ZBTB20: variants seen among roughly 807,000 people sequenced by gnomAD.
The protein encoded by ZBTB20 is zinc finger and BTB domain-containing protein 20.
In ZBTB20, 9 loss-of-function variants were observed where a neutral mutation model predicts 56.9. That is an observed-to-expected ratio of 0.16 (90% CI 0.10 to 0.28). ZBTB20 has a LOEUF of 0.28. Among genes scored for constraint, ZBTB20 ranks in the 10% least tolerant of loss-of-function variants. The pLI is 1.00. For synonymous variants in ZBTB20, 417 were observed against 420.7 expected, an observed-to-expected ratio of 0.99 and a Z score of 0.11; for missense variants, 655 against 1,003.0, an observed-to-expected ratio of 0.65 and a Z score of 4.69.
chr3:114,432,744 C>A (rs2090211872), intron 7 of ZBTB20, among the ~76,000 whole-genome samples: 1 of 152,192 alleles, frequency 6.6e-6, no homozygotes, highest in Admixed American at 6.5e-5. Flanking sequence ...TTTGGTATCA[C>A]TTCCTGTGAC....
At chr3:114,892,586 A>C (rs947186709) in intron 4 of ZBTB20, among the ~76,000 whole-genome samples, 1 of 152,168 alleles carries the variant, frequency 6.6e-6, no homozygotes, top group African/African-American at 2.4e-5. Context: ...ATGGGATATA[A>C]GATCTGGAGT....
chr3:114,970,843 G>A (rs144063090), intron 3 of ZBTB20, among the ~76,000 whole-genome samples: 4,960 of 152,080 alleles, frequency 0.033, 182 homozygotes, highest in Admixed American at 0.12. Flanking sequence ...GTGAAACCTC[G>A]TGTCTACTAA....
At chr3:115,069,838 T>G (rs1357482368) in intron 2 of ZBTB20, among the ~76,000 whole-genome samples, 1 of 151,930 alleles carries the variant, frequency 6.6e-6, no homozygotes, top group Non-Finnish European at 1.5e-5. Context: ...TACATCTCAT[T>G]TAATCCTCAT....
chr3:114,547,827 G>T (rs988100263), intron 6 of ZBTB20, among the ~76,000 whole-genome samples: 1 of 152,156 alleles, frequency 6.6e-6, no homozygotes, highest in Non-Finnish European at 1.5e-5. Flanking sequence ...TTACTGAACA[G>T]AAACTAGTTT....
chr3:115,065,262 G>A (rs1339552053), intron 2 of ZBTB20, among the ~76,000 whole-genome samples: 1 of 151,998 alleles, frequency 6.6e-6, no homozygotes, highest in Non-Finnish European at 1.5e-5. Context: ...TTTCATAGTA[G>A]CAGTATCTTC....
intron 1 of ZBTB20, among the ~76,000 whole-genome samples, chr3:115,107,166 C>G (rs2083746614): frequency 6.6e-6 from 1 of 152,122 alleles, no homozygotes; most frequent in Non-Finnish European, 1.5e-5. Flanking sequence ...GTGGCTCATG[C>G]CTGTAATCTC....
rs535419072 is a variant in ZBTB20, at chr3:114,787,407, A to C, written c.-343+13694T>G. ...CACACACACACATATATATACATAT[A>C]TATACGTGTGTACACATATATACAC... is the stretch of plus-strand genomic sequence containing the variant. On this transcript the variant is annotated intron_variant, in intron 5 of 11. Coordinates refer to ENST00000675478, the MANE Select transcript of ZBTB20 (RefSeq NM_001348800.3). Among the ~76,000 whole-genome samples the C allele has an allele frequency of 2.1e-5, 3 of 145,992 alleles. No homozygotes were observed. The South Asian group carries it at 6.5e-4, about 32-fold the overall frequency.
intron 6 of ZBTB20, among the ~76,000 whole-genome samples, chr3:114,598,384 C>T (rs949034041): frequency 3.0e-5 from 4 of 133,350 alleles, no homozygotes; most frequent in African/African-American, 5.7e-5. Context: ...ATACACCCTA[C>T]AGAAAATACT....
At chr3:115,010,024 A>G (rs2079632833) in intron 2 of ZBTB20, among the ~76,000 whole-genome samples, 1 of 151,970 alleles carries the variant, frequency 6.6e-6, no homozygotes, top group Non-Finnish European at 1.5e-5. Flanking sequence ...GCTTTGGTTA[A>G]TTATCAAAGT....
Position 114,338,781 on chromosome 3 carries a change from G to A in ZBTB20, c.*224C>T, listed in dbSNP as rs902393413. 1 of 452,558 alleles carries A rather than the reference G, an allele frequency of 2.2e-6. No individual in the cohort carries two copies. Among genetic ancestry groups the A allele is most frequent in the Admixed American group, 3.9e-5 (1 of 25,426 alleles). 28.0% of individuals were successfully genotyped at this position (452,558 alleles called of 1,614,324 possible). On this transcript the variant is annotated 3_prime_UTR_variant, in exon 12 of 12. Coordinates refer to ENST00000675478, the MANE Select transcript of ZBTB20 (RefSeq NM_001348800.3). The stretch of plus-strand genomic sequence containing the variant: ...ACCAGGCCTTAAGGCCACCATCCGA[G>A]GGAGACTGGGAAAACTATTATTCAC...
At position 115,068,235 on chromosome 3, in the gene ZBTB20, C is replaced by T. The variant is rs185911507; in HGVS notation, c.-507+2984G>A. Among the ~76,000 whole-genome samples the T allele has an allele frequency of 4.6e-5, 7 of 151,438 alleles. No individual in the cohort carries two copies. The Admixed American group carries it at 4.6e-4, about 10-fold the overall frequency. On this transcript the variant is annotated intron_variant, in intron 2 of 11. Transcript: ENST00000675478. ...GTATGTATTGTATAGTATATAAAGG[C>T]TGCGATTTTCTGGGCTGCTGCCTAC...
At chr3:114,413,569 A>C (rs2088206406) in intron 7 of ZBTB20, among the ~76,000 whole-genome samples, 1 of 152,148 alleles carries the variant, frequency 6.6e-6, no homozygotes, top group South Asian at 2.1e-4. Flanking sequence ...TGCTGAACTG[A>C]AAGGACCATA....
intron 10 of ZBTB20, among the ~76,000 whole-genome samples, chr3:114,376,078 G>A (rs536398011): frequency 2.0e-5 from 3 of 152,316 alleles, no homozygotes; most frequent in South Asian, 2.1e-4. Flanking sequence ...ACGGAAGTCC[G>A]GAAATCAGAG....
Position 114,348,442 on chromosome 3 carries a change from T to C in ZBTB20, c.1804+1832A>G, listed in dbSNP as rs931974467. On this transcript the variant is annotated intron_variant, in intron 11 of 11. Coordinates refer to ENST00000675478, the MANE Select transcript of ZBTB20 (RefSeq NM_001348800.3). ...CCTAATAATGGTGATATCCATACCA[T>C]ATGGAAAATTTCTTGTGATTTACCT... Among the ~76,000 whole-genome samples the C allele has an allele frequency of 5.3e-5, 8 of 152,356 alleles. No individual in the cohort carries two copies. The East Asian group carries it at 1.5e-3, about 29-fold the overall frequency.
At chr3:114,890,027 G>T (rs760807696) in intron 4 of ZBTB20, among the ~76,000 whole-genome samples, 2 of 152,122 alleles carry the variant, frequency 1.3e-5, no homozygotes, top group African/African-American at 4.8e-5. Context: ...AGCACACGAA[G>T]AGCTGCCTAT....
At chr3:114,549,584 C>A (rs2050302013) in intron 6 of ZBTB20, among the ~76,000 whole-genome samples, 1 of 152,076 alleles carries the variant, frequency 6.6e-6, no homozygotes, top group Admixed American at 6.5e-5. Flanking sequence ...ACAGCAATTT[C>A]CACCAAACTA....
chr3:114,541,141 C>CA (rs144401157), intron 6 of ZBTB20, among the ~76,000 whole-genome samples: 266 of 152,004 alleles, frequency 1.7e-3, no homozygotes, highest in African/African-American at 6.1e-3. Context: ...ATTATTTTAG[C>CA]AAAAAATAAT....
At chr3:114,376,227 AAAATC>A (rs1397119464) in intron 10 of ZBTB20, among the ~76,000 whole-genome samples, 3 of 152,196 alleles carry the variant, frequency 2.0e-5, no homozygotes, top group African/African-American at 7.2e-5. Context: ...TTACAGGAAA[AAAATC>A]AAAGGATAAA....
At chr3:114,649,678 T>C (rs1008676770) in intron 6 of ZBTB20, among the ~76,000 whole-genome samples, 2 of 152,000 alleles carry the variant, frequency 1.3e-5, no homozygotes, top group African/African-American at 4.8e-5. Flanking sequence ...CAAATTCTAA[T>C]CCAAACTTTA....
Sources: allele counts gnomAD v4.1 joint callset (sites outside exome capture counted in the v4.1 genomes callset), GRCh38; gene constraint gnomAD v4.1.1; transcripts MANE v1.5; gene names NCBI Gene and HGNC (gene_info 2026-07-23, HGNC 2026-07-21).